Variants in HELZ observed in about 807,000 individuals in gnomAD.
HELZ encodes the protein helicase with zinc finger, also known as ATP-dependent RNA helicase with zinc finger domain.
In HELZ, 23 loss-of-function variants were observed where a neutral mutation model predicts 218.2. The observed-to-expected ratio is 0.11, with a 90% confidence interval of 0.08 to 0.15. The LOEUF is 0.15. HELZ is among the 10% of genes least tolerant of loss of function. The probability of loss-of-function intolerance (pLI) is 1.00; values close to 1 mark genes in which losing one functional copy is unlikely to be tolerated. For missense variants in HELZ, 1,813 were observed against 2,353.7 expected (o/e 0.77, Z 4.75); for synonymous variants, 814 against 829.4 (o/e 0.98, Z 0.32).
rs2038204436 is a variant in HELZ, at chr17:67,137,989, A to G, written c.2895T>C (p.Ala965=). The G allele has an allele frequency of 1.2e-6, 2 of 1,613,580 alleles. No homozygotes were observed. The highest frequency in any genetic ancestry group is 4.5e-5 in the East Asian group (2 of 44,856). ...PYADQVFRIR[A]ELRKKRLSDV... Reference sequence around the variant, plus strand: ...CAGATAATCTCTTTTTTCGAAGTTCAGCACGTATTCTAAACACTTGATCAG... The same window carrying G: ...CAGATAATCTCTTTTTTCGAAGTTCGGCACGTATTCTAAACACTTGATCAG... Residue 965 remains alanine (A), a synonymous_variant, in exon 22 of 33, where the codon GCT becomes GCC. Transcript: ENST00000358691.
At position 67,075,115 on chromosome 17, in the gene HELZ, T is replaced by C. The variant is rs528161133; in HGVS notation, c.*3137A>G. The C allele has an allele frequency of 6.6e-6, 1 of 152,140 alleles. No individual in the cohort carries two copies. Among genetic ancestry groups the C allele is most frequent in the African/African-American group, 2.4e-5 (1 of 41,530 alleles). The allele number at this position is 152,140 out of a possible 1,614,324, so 9.4% of individuals were successfully genotyped here. ...GTTACACGGAATGAGGTTCTTCAAA[T>C]CGTAACAAAAGACCATTTTTAGATC... is the stretch of plus-strand genomic sequence containing the variant. On this transcript the variant is annotated 3_prime_UTR_variant, in exon 33 of 33. Transcript: ENST00000358691.
At chr17:67,094,433 C>T (rs929005699) in intron 31 of HELZ, among the ~76,000 whole-genome samples, 1 of 150,052 alleles carries the variant, frequency 6.7e-6, no homozygotes, top group Non-Finnish European at 1.5e-5. Flanking sequence ...GGAGATATTG[C>T]AGGTTTGGTG....
Position 67,127,777 on chromosome 17 carries a change from C to T in HELZ, c.3387+874G>A, listed in dbSNP as rs549813016. Reference sequence around the variant, plus strand: ...AGGAGGATTGCTTGAGCCTAGGAGGCGGAGGTTGCAGTGAGCCCAGAATGT... The same window carrying T: ...AGGAGGATTGCTTGAGCCTAGGAGGTGGAGGTTGCAGTGAGCCCAGAATGT... On this transcript the variant is annotated intron_variant, in intron 24 of 32. Transcript: ENST00000358691. Among the ~76,000 whole-genome samples, 212 of 150,694 alleles carry T rather than the reference C, an allele frequency of 1.4e-3. 2 individuals are homozygous for T. In the South Asian group the frequency reaches 0.014, roughly 10 times the overall value.
At chr17:67,162,493 G>A (rs2144121392) in intron 15 of HELZ, among the ~76,000 whole-genome samples, 1 of 152,132 alleles carries the variant, frequency 6.6e-6, no homozygotes, top group South Asian at 2.1e-4. Context: ...TGAAAAAACT[G>A]CTTCAGGTGA....
At position 67,203,321 on chromosome 17, in the gene HELZ, G is replaced by C. The variant is rs1046994977; in HGVS notation, c.370C>G (p.Leu124Val). The stretch of plus-strand genomic sequence containing the variant: ...AAAATTAGAGCTTATCAACATACCA[G>C]GGACTCTCCTGTGAGTGACTTGGCA... ...ILAKSLTGESLNGMVTKDLTR... is the reference protein window; with the variant it reads ...ILAKSLTGESVNGMVTKDLTR... The change falls in exon 6 of 33, where the codon CTG becomes GTG. Residue 124 changes from leucine to valine, a missense_variant and splice_region_variant. Transcript: ENST00000358691. 1.5e-5 allele frequency: 25 copies of C among 1,613,772 alleles called. No homozygotes were observed. Among genetic ancestry groups the C allele is most frequent in the Non-Finnish European group, 2.0e-5 (24 of 1,179,904 alleles).
intron 13 of HELZ, among the ~76,000 whole-genome samples, chr17:67,171,424 A>C (rs1268069880): frequency 1.3e-5 from 2 of 152,182 alleles, no homozygotes; most frequent in African/African-American, 4.8e-5. Context: ...AAGCCAACCA[A>C]AAATCAAGTC....
At chr17:67,126,528 C>T (rs2037801519) in intron 24 of HELZ, among the ~76,000 whole-genome samples, 2 of 152,048 alleles carry the variant, frequency 1.3e-5, no homozygotes, top group Non-Finnish European at 1.5e-5. Flanking sequence ...ATAAAATATA[C>T]AGTGTTTGGT....
At chr17:67,089,668 T>TATATATATATAGAGAGAGAGAGAGAGAG (rs71293575) in intron 31 of HELZ, among the ~76,000 whole-genome samples, 5 of 70,638 alleles carry the variant, frequency 7.1e-5, no homozygotes, top group Non-Finnish European at 1.0e-4. Flanking sequence ...TATATATATA[T>TATATATATATAGAGAGAGAGAGAGAGAG]AGAGAGAGAG....
At position 67,089,039 on chromosome 17, in the gene HELZ, T is replaced by C. The variant is rs116983145; in HGVS notation, c.5242-1958A>G. Among the ~76,000 whole-genome samples, 256 of 132,694 alleles carry C rather than the reference T, an allele frequency of 1.9e-3. 5 individuals carry two copies. The East Asian group carries it at 0.046, about 24-fold the overall frequency. 87.1% of individuals were successfully genotyped at this position (132,694 alleles called of 152,430 possible). On this transcript the variant is annotated intron_variant, in intron 31 of 32. Coordinates refer to ENST00000358691, the MANE Select transcript of HELZ (RefSeq NM_014877.4). ...ACAATTAGCTCTTAAAATTGAAATG[T>C]AGTATTTCTTTCTATGACTATCCCG...
chr17:67,161,212 C>G (rs1055998377), intron 15 of HELZ, 136 bp from the exon 16 acceptor site: 1 of 601,910 alleles, frequency 1.7e-6, no homozygotes, highest in African/African-American at 1.9e-5. Context: ...AATGCTTATT[C>G]TAAAGCTACT....
chr17:67,086,701 A>T, intron 32 of HELZ, 128 bp downstream of exon 32: 1 of 716,492 alleles, frequency 1.4e-6, no homozygotes, highest in Non-Finnish European at 2.3e-6. Context: ...CCTATGAGCT[A>T]TTAGCATCAT....
At chr17:67,142,795 C>A (rs996523599) in intron 21 of HELZ, among the ~76,000 whole-genome samples, 2 of 152,134 alleles carry the variant, frequency 1.3e-5, no homozygotes, top group South Asian at 2.1e-4. Context: ...CTAGCTCTGT[C>A]ACCCAGGCTA....
intron 31 of HELZ, among the ~76,000 whole-genome samples, chr17:67,096,135 CA>C: frequency 7.6e-6 from 1 of 131,460 alleles, no homozygotes; most frequent in African/African-American, 2.8e-5. Flanking sequence ...TAAAAAATCC[CA>C]CCCCCCCTCC....
At chr17:67,107,122 T>C in intron 31 of HELZ, 47 bp downstream of exon 31, 2 of 1,493,910 alleles carry the variant, frequency 1.3e-6, no homozygotes, top group South Asian at 1.3e-5. Context: ...AATACTGATA[T>C]TTTTCACAAT....
intron 5 of HELZ, among the ~76,000 whole-genome samples, chr17:67,211,239 TA>T (rs1027074068): frequency 6.7e-6 from 1 of 148,970 alleles, no homozygotes; most frequent in Non-Finnish European, 1.5e-5. Context: ...ATCAGCTATT[TA>T]AAAAAAAAAC....
intron 31 of HELZ, among the ~76,000 whole-genome samples, chr17:67,094,322 G>C (rs1200362830): frequency 8.2e-6 from 1 of 121,692 alleles, no homozygotes; most frequent in Non-Finnish European, 1.6e-5. Context: ...ACCTGGTCTT[G>C]AAAAAAAAAA....
intron 3 of HELZ, among the ~76,000 whole-genome samples, chr17:67,228,652 C>T (rs1177455549): frequency 2.7e-5 from 4 of 148,048 alleles, no homozygotes; most frequent in African/African-American, 1.0e-4. Context: ...ACAGAGGAGA[C>T]TTTGTCTCAA....
At chr17:67,203,036 C>G (rs570284855) in intron 6 of HELZ, among the ~76,000 whole-genome samples, 1 of 151,784 alleles carries the variant, frequency 6.6e-6, no homozygotes, top group Non-Finnish European at 1.5e-5. Context: ...GCAGGAGGAT[C>G]GCTTGAGCCC....
At chr17:67,150,696 A>T (rs1378013004) in intron 18 of HELZ, among the ~76,000 whole-genome samples, 1 of 152,238 alleles carries the variant, frequency 6.6e-6, no homozygotes, top group Admixed American at 6.5e-5. Context: ...GGAATTCTTC[A>T]TATGATCAAT....
Sources: gnomAD v4.1 joint callset for allele counts (sites outside exome capture counted in the v4.1 genomes callset) on GRCh38, gnomAD v4.1.1 for gene constraint, MANE v1.5 for transcripts, NCBI Gene and HGNC (gene_info 2026-07-23, HGNC 2026-07-21) for gene names.